Variants in VDAC1 observed in about 807,000 individuals in gnomAD.
The protein encoded by VDAC1 is non-selective voltage-gated ion channel VDAC1.
Under a neutral mutation model 34.7 loss-of-function variants are expected in VDAC1, and 10 were observed. That is an observed-to-expected ratio of 0.29 (90% CI 0.18 to 0.49). The LOEUF (loss-of-function observed/expected upper bound fraction) is 0.49, where lower values mean the gene tolerates loss of function less well. Among genes scored for constraint, VDAC1 ranks in the 20% least tolerant of loss-of-function variants. VDAC1 has a pLI of 0.99. For missense variants in VDAC1, 230 were observed against 347.9 expected (o/e 0.66, Z 2.69); for synonymous variants, 130 against 136.0 (o/e 0.96, Z 0.30).
At chr5:134,111,190 A>T in the VDAC1 span, among the ~76,000 whole-genome samples, 1 of 152,218 alleles carries the variant, frequency 6.6e-6, no homozygotes, top group Non-Finnish European at 1.5e-5. Flanking sequence ...CACGGCAGAG[A>T]TGGAAACTTA....
chr5:134,052,440 C>T, the VDAC1 span, among the ~76,000 whole-genome samples: 1 of 152,126 alleles, frequency 6.6e-6, no homozygotes, highest in East Asian at 1.9e-4. Flanking sequence ...GCAATCCTCC[C>T]ATGCTACCAC....
the VDAC1 span, among the ~76,000 whole-genome samples, chr5:134,032,304 A>T: frequency 6.6e-6 from 1 of 151,974 alleles, no homozygotes; most frequent in Non-Finnish European, 1.5e-5. Context: ...ACCATTTCAG[A>T]CTTGTGGCCC....
chr5:134,097,919 G>GCTCACTTGAGAT, the VDAC1 span, among the ~76,000 whole-genome samples: 7 of 151,912 alleles, frequency 4.6e-5, no homozygotes, highest in Non-Finnish European at 1.0e-4. Context: ...TGCCTAGCTG[G>GCTCACTTGAGAT]AGTGCAACGG....
intron 1 of VDAC1, among the ~76,000 whole-genome samples, chr5:133,995,716 G>C (rs1753274321): frequency 6.6e-6 from 1 of 152,174 alleles, no homozygotes; most frequent in African/African-American, 2.4e-5. Context: ...GAGAAGTTCA[G>C]CTTTCTTACA....
the VDAC1 span, among the ~76,000 whole-genome samples, chr5:134,053,326 T>C: frequency 1.3e-5 from 2 of 152,332 alleles, no homozygotes; most frequent in Admixed American, 6.5e-5. Context: ...CAGTTCCTTC[T>C]GAAAAGCCCT....
chr5:133,984,353 G>A (rs561055686), intron 5 of VDAC1, among the ~76,000 whole-genome samples: 3 of 150,766 alleles, frequency 2.0e-5, no homozygotes, highest in East Asian at 2.0e-4. Context: ...GAGCCACCTC[G>A]CCTGGCCAGG....
intron 5 of VDAC1, among the ~76,000 whole-genome samples, chr5:133,982,653 G>A (rs1300513189): frequency 6.6e-6 from 1 of 152,134 alleles, no homozygotes; most frequent in Non-Finnish European, 1.5e-5. Context: ...ACTTCGGGAG[G>A]CCGAGGTGGG....
At chr5:134,025,557 A>T in the VDAC1 span, among the ~76,000 whole-genome samples, 1 of 151,982 alleles carries the variant, frequency 6.6e-6, no homozygotes, top group East Asian at 1.9e-4. Flanking sequence ...GGATTCAGTG[A>T]TGGAGGTGAT....
chr5:134,052,117 G>T, the VDAC1 span, among the ~76,000 whole-genome samples: 1 of 152,144 alleles, frequency 6.6e-6, no homozygotes, highest in Non-Finnish European at 1.5e-5. Context: ...CCACCAGCGG[G>T]AAAGGAAGAT....
chr5:134,052,135 C>T, the VDAC1 span, among the ~76,000 whole-genome samples: 3 of 152,140 alleles, frequency 2.0e-5, no homozygotes, highest in Admixed American at 1.3e-4. Context: ...GATGCATCTT[C>T]TTACCTCTGA....
At chr5:133,979,349 G>T (rs1323813026) in intron 6 of VDAC1, among the ~76,000 whole-genome samples, 2 of 149,706 alleles carry the variant, frequency 1.3e-5, no homozygotes, top group African/African-American at 4.9e-5. Flanking sequence ...TATGCATGTG[G>T]TATGTTTCCT....
chr5:133,996,165 TC>T (rs1336313054), intron 1 of VDAC1, among the ~76,000 whole-genome samples: 1 of 152,188 alleles, frequency 6.6e-6, no homozygotes, highest in Non-Finnish European at 1.5e-5. Context: ...AGTGATGGCT[TC>T]AGGGCAGAGC....
Position 133,975,892 on chromosome 5 carries a change from A to C in VDAC1, c.681T>G (p.Ile227Met). ...TRFGIAAKYQIDPDACFSAKV... is the reference protein window; with the variant it reads ...TRFGIAAKYQMDPDACFSAKV... Reference sequence around the variant, plus strand: ...CCACCGAGAAGCAGGCGTCAGGGTCAATCTGATACTTGGCTGCTATTCCGA... The same window carrying C: ...CCACCGAGAAGCAGGCGTCAGGGTCCATCTGATACTTGGCTGCTATTCCGA... The change falls in exon 7 of 9, where the codon ATT (isoleucine) becomes ATG (methionine). Residue 227 changes from isoleucine to methionine, a missense_variant. Transcript: ENST00000265333. The C allele has an allele frequency of 6.2e-7, 1 of 1,611,820 alleles. No individual in the cohort carries two copies. Among genetic ancestry groups the C allele is most frequent in the Non-Finnish European group, 8.5e-7 (1 of 1,179,768 alleles).
chr5:134,076,653 T>C, the VDAC1 span, among the ~76,000 whole-genome samples: 1 of 152,092 alleles, frequency 6.6e-6, no homozygotes, highest in African/African-American at 2.4e-5. Context: ...TCTTATACCA[T>C]ACAGCCTTCA....
the VDAC1 span, among the ~76,000 whole-genome samples, chr5:134,082,867 T>C: frequency 1.3e-5 from 2 of 152,346 alleles, no homozygotes; most frequent in South Asian, 4.1e-4. Flanking sequence ...TTCCTATATA[T>C]ATGTCATCAG....
chr5:133,993,951 G>A (rs180901441), intron 1 of VDAC1, among the ~76,000 whole-genome samples: 3 of 152,224 alleles, frequency 2.0e-5, no homozygotes, highest in Admixed American at 1.3e-4. Context: ...AGGAGAGGGG[G>A]TCATGCATGA....
At chr5:134,050,397 T>C in the VDAC1 span, among the ~76,000 whole-genome samples, 3 of 152,218 alleles carry the variant, frequency 2.0e-5, no homozygotes, top group Non-Finnish European at 4.4e-5. Flanking sequence ...AATTATTCAA[T>C]GCGTTAGTTC....
chr5:133,999,420 T>C (rs1455631633), intron 1 of VDAC1, among the ~76,000 whole-genome samples: 1 of 152,214 alleles, frequency 6.6e-6, no homozygotes, highest in Non-Finnish European at 1.5e-5. Context: ...TCCACTACAC[T>C]GGATACTCTG....
chr5:134,039,001 G>T, the VDAC1 span, among the ~76,000 whole-genome samples: 1 of 152,078 alleles, frequency 6.6e-6, no homozygotes, highest in Non-Finnish European at 1.5e-5. Flanking sequence ...CACTTTATTT[G>T]CAATAGGCGC....
Sources: allele counts gnomAD v4.1 joint callset (sites outside exome capture counted in the v4.1 genomes callset), GRCh38; gene constraint gnomAD v4.1.1; transcripts MANE v1.5; gene names NCBI Gene and HGNC (gene_info 2026-07-23, HGNC 2026-07-21).